ATXN7L1: variants seen among roughly 807,000 people sequenced by gnomAD.
The protein encoded by ATXN7L1 is ataxin-7-like protein 1.
In ATXN7L1, 15 loss-of-function variants were observed where a neutral mutation model predicts 70.8. The observed-to-expected ratio is 0.21, with a 90% CI of 0.14 to 0.33. The LOEUF is 0.33. ATXN7L1 is among the 10% of genes least tolerant of loss of function. The probability of loss-of-function intolerance (pLI) is 1.00; values close to 1 mark genes in which losing one functional copy is unlikely to be tolerated. For missense variants in ATXN7L1, 975 were observed against 1,097.1 expected (o/e 0.89, Z 1.57); for synonymous variants, 440 against 445.1 (o/e 0.99, Z 0.14).
chr7:105,610,493 T>A (rs537641599), intron 11 of ATXN7L1, 36 bp downstream of exon 11: 5 of 1,496,258 alleles, frequency 3.3e-6, no homozygotes, highest in Non-Finnish European at 4.6e-6. Context: ...GATGACCATA[T>A]GAATTTTTGC....
chr7:105,730,016 C>T lies in ATXN7L1; in HGVS notation c.355+58588G>A, dbSNP rs1042094685. 2.0e-5 allele frequency among the ~76,000 whole-genome samples: 3 copies of T among 152,220 alleles called. No homozygotes were observed. The South Asian group carries it at 6.2e-4, about 32-fold the overall frequency. On this transcript the variant is annotated intron_variant, in intron 3 of 11. Transcript: ENST00000419735. The stretch of plus-strand genomic sequence containing the variant: ...CCTCCCAAAGTGCTGGGATTACAGG[C>T]GTGAGCCACCACTCCCGGCCCCTCC...
chr7:105,670,197 C>T (rs909693381), intron 3 of ATXN7L1, among the ~76,000 whole-genome samples: 7 of 152,134 alleles, frequency 4.6e-5, no homozygotes, highest in African/African-American at 9.7e-5. Context: ...TGCAAAAAGA[C>T]GCTGCTGTGC....
At chr7:105,727,777 T>TATATATATATATAC (rs1462125950) in intron 3 of ATXN7L1, among the ~76,000 whole-genome samples, 2,016 of 89,374 alleles carry the variant, frequency 0.023, 31 homozygotes, top group Non-Finnish European at 0.025. Flanking sequence ...TATATATATA[T>TATATATATATATAC]ACACACACAT....
At chr7:105,867,733 G>C (rs1281217708) in intron 2 of ATXN7L1, among the ~76,000 whole-genome samples, 1 of 152,210 alleles carries the variant, frequency 6.6e-6, no homozygotes, top group Admixed American at 6.5e-5. Flanking sequence ...GAATATTTCT[G>C]TATCTTAGTC....
Position 105,728,533 on chromosome 7 carries a change from TG to T in ATXN7L1, c.355+60070del, listed in dbSNP as rs1462956319. On this transcript the variant is annotated intron_variant, in intron 3 of 11. Transcript: ENST00000419735. ...ACATATAGAAATATTTATAGGTATATGATACCTATTTATAGCTATAAATACA... is the reference window on the plus strand; with the variant it reads ...ACATATAGAAATATTTATAGGTATATATACCTATTTATAGCTATAAATACA... Among the ~76,000 whole-genome samples the T allele has an allele frequency of 1.2e-4, 18 of 152,308 alleles. No individual in the cohort carries two copies. The South Asian group carries it at 3.5e-3, about 30-fold the overall frequency.
chr7:105,647,504 G>A (rs893389019), intron 4 of ATXN7L1, among the ~76,000 whole-genome samples: 4 of 152,170 alleles, frequency 2.6e-5, no homozygotes, highest in Non-Finnish European at 4.4e-5. Flanking sequence ...AAAATTAGCC[G>A]GGCGCGGTGG....
At chr7:105,860,948 G>A (rs1018584235) in intron 2 of ATXN7L1, among the ~76,000 whole-genome samples, 3 of 152,230 alleles carry the variant, frequency 2.0e-5, no homozygotes, top group Admixed American at 6.5e-5. Context: ...GCAAGGAGGT[G>A]CGAGATTTGG....
At position 105,762,156 on chromosome 7, in the gene ATXN7L1, C is replaced by A. The variant is rs566797648; in HGVS notation, c.355+26448G>T. Among the ~76,000 whole-genome samples the A allele has an allele frequency of 2.0e-4, 31 of 152,338 alleles. No homozygotes were observed. The South Asian group carries it at 2.5e-3, about 12-fold the overall frequency. On this transcript the variant is annotated intron_variant, in intron 3 of 11. Coordinates refer to ENST00000419735, the MANE Select transcript of ATXN7L1 (RefSeq NM_020725.2). ...TTACTGGCAGGACTGAGCTATCATCCTAAGTGGGATTTTAATAAAAAATAG... is the reference window on the plus strand; with the variant it reads ...TTACTGGCAGGACTGAGCTATCATCATAAGTGGGATTTTAATAAAAAATAG...
At chr7:105,788,502 TGAGACAAGACATGGC>T (rs1804653412) in intron 3 of ATXN7L1, 87 bp downstream of exon 3, 1 of 965,500 alleles carries the variant, frequency 1.0e-6, no homozygotes, top group Non-Finnish European at 1.7e-6. Context: ...AGCCTCAGGC[TGAGACAAGACATGGC>T]GAGACCCTGT....
intron 2 of ATXN7L1, among the ~76,000 whole-genome samples, chr7:105,861,763 GAAAGGGCACA>G (rs1816680359): frequency 6.6e-6 from 1 of 152,190 alleles, no homozygotes; most frequent in Non-Finnish European, 1.5e-5. Context: ...GGAGCTGGCA[GAAAGGGCACA>G]AAAGCGGGTG....
chr7:105,778,858 C>G (rs1238032011), intron 3 of ATXN7L1, among the ~76,000 whole-genome samples: 1 of 152,198 alleles, frequency 6.6e-6, no homozygotes, highest in African/African-American at 2.4e-5. Context: ...GTGGTTAAGG[C>G]TCTAAACACA....
chr7:105,793,729 C>T (rs1805579506), intron 2 of ATXN7L1, among the ~76,000 whole-genome samples: 1 of 152,190 alleles, frequency 6.6e-6, no homozygotes, highest in African/African-American at 2.4e-5. Flanking sequence ...CCTGTTTTGT[C>T]ACCACAAATG....
intron 3 of ATXN7L1, among the ~76,000 whole-genome samples, chr7:105,674,510 G>T (rs1804313551): frequency 2.0e-5 from 3 of 152,124 alleles, no homozygotes; most frequent in Admixed American, 1.3e-4. Context: ...GGAAATTAAA[G>T]CTTAGCAAGA....
chr7:105,771,002 C>T lies in ATXN7L1; in HGVS notation c.355+17602G>A, dbSNP rs145220908. Among the ~76,000 whole-genome samples the T allele has an allele frequency of 3.8e-3, 583 of 152,010 alleles. 8 individuals carry two copies. Among genetic ancestry groups the T allele is most frequent in the African/African-American group, 0.013 (558 of 41,430 alleles). On this transcript the variant is annotated intron_variant, in intron 3 of 11. Transcript: ENST00000419735. ...GGATCACGAGGTCAGGAGTTCAAGA[C>T]CAGCCTGACCAACATGGTGACATCC...
In ATXN7L1 at chr7:105,759,635, C is replaced by T. The variant is rs113084377; in HGVS notation, c.355+28969G>A. The stretch of plus-strand genomic sequence containing the variant: ...CAAGGCCCTGTCTACACATCCAGCA[C>T]GATTCCTTCTGGAACACAGGGAGTT... On this transcript the variant is annotated intron_variant, in intron 3 of 11. Transcript: ENST00000419735. 3.6e-3 allele frequency among the ~76,000 whole-genome samples: 547 copies of T among 152,148 alleles called. 3 individuals carry two copies. Among genetic ancestry groups the T allele is most frequent in the Non-Finnish European group, 5.8e-3 (395 of 68,004 alleles).
intron 3 of ATXN7L1, among the ~76,000 whole-genome samples, chr7:105,670,690 G>A (rs763329281): frequency 1.5e-4 from 22 of 151,580 alleles, no homozygotes; most frequent in Non-Finnish European, 2.5e-4. Context: ...TTGGCCGGGC[G>A]TGGTGGCTGA....
At chr7:105,740,796 A>G (rs62481257) in intron 3 of ATXN7L1, among the ~76,000 whole-genome samples, 26,075 of 81,858 alleles carry the variant, frequency 0.32, 8,093 homozygotes, top group East Asian at 0.69. Context: ...ATGGAGTCTC[A>G]CTCTGTCGCC....
At chr7:105,702,986 T>G (rs1054892051) in intron 3 of ATXN7L1, among the ~76,000 whole-genome samples, 13 of 152,110 alleles carry the variant, frequency 8.5e-5, no homozygotes, top group South Asian at 2.1e-4. Flanking sequence ...CGTGGCGGCG[T>G]GCGCCTGTAG....
intron 4 of ATXN7L1, among the ~76,000 whole-genome samples, chr7:105,656,522 A>G (rs886652796): frequency 6.6e-6 from 1 of 150,908 alleles, no homozygotes. Flanking sequence ...GCAGTTCTGC[A>G]GGGAACAAAC....
Sources: allele counts gnomAD v4.1 joint callset (sites outside exome capture counted in the v4.1 genomes callset), GRCh38; gene constraint gnomAD v4.1.1; transcripts MANE v1.5; gene names NCBI Gene and HGNC (gene_info 2026-07-23, HGNC 2026-07-21).